Variants in TMEM260 observed in about 807,000 individuals in gnomAD.
The protein encoded by TMEM260 is transmembrane protein 260, also known as protein O-mannosyl-transferase TMEM260.
Under a neutral mutation model 88.9 loss-of-function variants are expected in TMEM260, and 82 were observed. The observed-to-expected ratio is 0.92, with a 90% CI of 0.77 to 1.11. TMEM260 has a LOEUF of 1.11. Among genes scored for constraint, TMEM260 ranks in the 50% least tolerant of loss-of-function variants. The pLI is 0.00. For synonymous variants in TMEM260, 314 were observed against 309.3 expected (o/e 1.02, Z -0.16); for missense variants, 902 against 853.4 (o/e 1.06, Z -0.71).
chr14:56,610,746 G>A (rs949667923), intron 6 of TMEM260, among the ~76,000 whole-genome samples: 2 of 152,008 alleles, frequency 1.3e-5, no homozygotes, highest in African/African-American at 4.8e-5. Flanking sequence ...AATATTGTCT[G>A]AAGACCATTC....
At chr14:56,598,233 C>T (rs913385851) in intron 3 of TMEM260, among the ~76,000 whole-genome samples, 17 of 151,808 alleles carry the variant, frequency 1.1e-4, no homozygotes, top group Admixed American at 1.1e-3. Context: ...AAAGAGGAGA[C>T]ATTCAGAAAA....
chr14:56,631,993 C>G (rs1338811225), intron 12 of TMEM260, among the ~76,000 whole-genome samples: 1 of 152,280 alleles, frequency 6.6e-6, no homozygotes, highest in East Asian at 1.9e-4. Context: ...CTGCTCATGC[C>G]TGACTAGCTA....
chr14:56,642,799 CAG>C lies in TMEM260; in HGVS notation c.1870-4442_1870-4441del, dbSNP rs899393283. 5.3e-5 allele frequency among the ~76,000 whole-genome samples: 8 copies of C among 152,044 alleles called. No individual in the cohort carries two copies. In the South Asian group the frequency reaches 1.2e-3, roughly 24 times the overall value. Reference sequence around the variant, plus strand: ...AAGAAGAAAAGACAGAAGAATCAAACAGATGCAATAAAAAATGACAAAGGGGA... The same window carrying C: ...AAGAAGAAAAGACAGAAGAATCAAACATGCAATAAAAAATGACAAAGGGGA... On this transcript the variant is annotated intron_variant, in intron 15 of 15. Transcript: ENST00000261556.
At chr14:56,656,266 A>T in the TMEM260 span, among the ~76,000 whole-genome samples, 4 of 152,094 alleles carry the variant, frequency 2.6e-5, no homozygotes, top group Non-Finnish European at 5.9e-5. Flanking sequence ...AAAAATTTTT[A>T]AAAATTGCCA....
rs1014274185 is a variant in TMEM260, at chr14:56,648,008, A to G, written c.*511A>G. On this transcript the variant is annotated 3_prime_UTR_variant, in exon 16 of 16. Coordinates refer to ENST00000261556, the MANE Select transcript of TMEM260 (RefSeq NM_017799.4). ...AGTTGTTACATAGTCTTACACTTCA[A>G]GCTAAACACCAAATGGGTGATATTT... 1.3e-5 allele frequency: 2 copies of G among 152,510 alleles called. No homozygotes were observed. Among genetic ancestry groups the G allele is most frequent in the African/African-American group, 4.8e-5 (2 of 41,438 alleles). The allele number at this position is 152,510 out of a possible 1,614,324, so 9.4% of individuals were successfully genotyped here.
intron 10 of TMEM260, among the ~76,000 whole-genome samples, chr14:56,619,783 C>T (rs1239788241): frequency 6.6e-6 from 1 of 152,166 alleles, no homozygotes; most frequent in African/African-American, 2.4e-5. Context: ...AATCTTATTA[C>T]TGGGTATATA....
chr14:56,661,409 C>T, the TMEM260 span, among the ~76,000 whole-genome samples: 2 of 152,026 alleles, frequency 1.3e-5, no homozygotes, highest in African/African-American at 2.4e-5. Context: ...CACTCTGTGC[C>T]CTTGTTAGCT....
chr14:56,594,967 A>G (rs561334447), intron 3 of TMEM260, among the ~76,000 whole-genome samples: 8 of 152,334 alleles, frequency 5.3e-5, no homozygotes, highest in South Asian at 2.1e-4. Flanking sequence ...AGAGATTGCA[A>G]CTAACTTGCC....
chr14:56,631,678 C>T (rs1008160090), intron 12 of TMEM260, among the ~76,000 whole-genome samples: 15 of 151,654 alleles, frequency 9.9e-5, no homozygotes, highest in African/African-American at 3.6e-4. Flanking sequence ...TATGCATGCT[C>T]ACTTGTGTTA....
chr14:56,636,498 C>A lies in TMEM260; in HGVS notation c.1779-10C>A. 6 of 1,613,176 alleles carry A rather than the reference C, an allele frequency of 3.7e-6. No homozygotes were observed. The highest frequency in any genetic ancestry group is 1.3e-5 in the African/African-American group (1 of 74,954). On this transcript the variant is annotated splice_polypyrimidine_tract_variant and intron_variant, in intron 14 of 15. Coordinates refer to ENST00000261556, the MANE Select transcript of TMEM260 (RefSeq NM_017799.4). ...ATGATTTTAATGAAGGTTCCTATCC[C>A]CACCCCCAGGATGAAAACACCGTTC...
intron 2 of TMEM260, 41 bp from the exon 3 acceptor site, chr14:56,585,720 C>A: frequency 6.3e-7 from 1 of 1,593,526 alleles, no homozygotes; most frequent in Non-Finnish European, 8.5e-7. Context: ...CTCTTCCTTT[C>A]CTAGATGAAA....
chr14:56,582,266 C>G (rs955103852), intron 1 of TMEM260, among the ~76,000 whole-genome samples: 1 of 152,176 alleles, frequency 6.6e-6, no homozygotes, highest in Non-Finnish European at 1.5e-5. Flanking sequence ...TCCATAGATT[C>G]ATCACATTGT....
chr14:56,642,772 TAAAG>T (rs1889692610), intron 15 of TMEM260, among the ~76,000 whole-genome samples: 1 of 151,824 alleles, frequency 6.6e-6, no homozygotes, highest in African/African-American at 2.4e-5. Context: ...GCAAGACTAA[TAAAG>T]AAGAAAAGAC....
intron 3 of TMEM260, among the ~76,000 whole-genome samples, chr14:56,596,179 C>T (rs1886192899): frequency 6.6e-6 from 1 of 151,800 alleles, no homozygotes; most frequent in African/African-American, 2.4e-5. Flanking sequence ...ATATTTCTTT[C>T]CAAATAATGG....
rs59623466 is a variant in TMEM260, at chr14:56,596,794, A to AAAAAATATATAT, written c.345-7020_345-7019insAAAATATATATA. The stretch of plus-strand genomic sequence containing the variant: ...AAAAAAAAAAAAAATTAAAAAAAAA[A>AAAAAATATATAT]ATATATATATATACACACACACACC... On this transcript the variant is annotated intron_variant, in intron 3 of 15. Transcript: ENST00000261556. Among the ~76,000 whole-genome samples the AAAAAATATATAT allele has an allele frequency of 4.8e-3, 659 of 136,254 alleles. 7 individuals carry two copies. The highest frequency in any genetic ancestry group is 0.018 in the African/African-American group (641 of 35,874). The allele number at this position is 136,254 out of a possible 152,430, so 89.4% of individuals were successfully genotyped here. A position where few individuals can be genotyped will look rare whatever the true frequency, so the allele number is the denominator to read the frequency against.
chr14:56,627,456 A>G (rs1040497005), intron 12 of TMEM260, among the ~76,000 whole-genome samples: 3 of 152,176 alleles, frequency 2.0e-5, no homozygotes, highest in African/African-American at 7.2e-5. Context: ...ATTTAAAAAT[A>G]ATAAGCAAAT....
intron 10 of TMEM260, among the ~76,000 whole-genome samples, chr14:56,619,974 A>C (rs892333657): frequency 6.6e-6 from 1 of 152,216 alleles, no homozygotes; most frequent in South Asian, 2.1e-4. Context: ...GAATGAGATC[A>C]TGTCCTTTTT....
chr14:56,600,171 C>T (rs759220441), intron 3 of TMEM260, among the ~76,000 whole-genome samples: 6 of 152,058 alleles, frequency 3.9e-5, no homozygotes, highest in African/African-American at 7.2e-5. Context: ...GATTATTGTA[C>T]GAAAACATGA....
At chr14:56,653,016 G>C (rs530326110), downstream of TMEM260, among the ~76,000 whole-genome samples, 10 of 152,198 alleles carry the variant, frequency 6.6e-5, no homozygotes, top group African/African-American at 2.4e-4. Flanking sequence ...ACCATGGGCC[G>C]GGCGCGGTGG....
Sources: gnomAD v4.1 joint callset for allele counts (sites outside exome capture counted in the v4.1 genomes callset) on GRCh38, gnomAD v4.1.1 for gene constraint, MANE v1.5 for transcripts, NCBI Gene and HGNC (gene_info 2026-07-23, HGNC 2026-07-21) for gene names.